Variants in SDK1 observed in about 807,000 individuals in gnomAD.
SDK1 encodes the protein sidekick cell adhesion molecule 1.
A neutral mutation model predicts 245.5 loss-of-function variants in SDK1; 157 were observed. The observed-to-expected ratio is 0.64, with a 90% confidence interval of 0.56 to 0.73. SDK1 has a LOEUF of 0.73. Ranked by LOEUF, SDK1 falls within the 30% of genes least tolerant of loss-of-function variation. SDK1 has a pLI of 0.00. For missense variants in SDK1, 3,583 were observed against 3,002.3 expected, an observed-to-expected ratio of 1.19 and a Z score of -4.52; for synonymous variants, 1,647 against 1,278.5, an observed-to-expected ratio of 1.29 and a Z score of -6.15.
intron 4 of SDK1, among the ~76,000 whole-genome samples, chr7:3,707,254 A>T (rs1214790773): frequency 2.6e-5 from 4 of 152,162 alleles, no homozygotes; most frequent in Non-Finnish European, 5.9e-5. Flanking sequence ...AACTTGTGTC[A>T]CTGTTATTTA....
chr7:3,788,411 G>A (rs1268762594), intron 4 of SDK1, among the ~76,000 whole-genome samples: 1 of 152,182 alleles, frequency 6.6e-6, no homozygotes, highest in Non-Finnish European at 1.5e-5. Context: ...TCTGTGCAGA[G>A]GGGATAAGGT....
chr7:4,172,594 G>A (rs369501034), intron 32 of SDK1, among the ~76,000 whole-genome samples: 90 of 152,262 alleles, frequency 5.9e-4, no homozygotes, highest in African/African-American at 1.8e-3. Context: ...GTTATTTACC[G>A]GGGGCAGCAA....
chr7:3,970,613 G>A (rs1177587530), intron 11 of SDK1, among the ~76,000 whole-genome samples: 5 of 152,160 alleles, frequency 3.3e-5, no homozygotes, highest in African/African-American at 4.8e-5. Flanking sequence ...TAGATCATTC[G>A]CCAGAAAATT....
At position 4,265,827 on chromosome 7, in the gene SDK1, C is replaced by A; in HGVS notation, c.*443C>A. ...CTCCTCTTCCAGAGAACCAGCGGCTCACACCCTTCTCAACGCAGGACATCC... is the reference window on the plus strand; with the variant it reads ...CTCCTCTTCCAGAGAACCAGCGGCTAACACCCTTCTCAACGCAGGACATCC... On this transcript the variant is annotated 3_prime_UTR_variant, in exon 45 of 45. Transcript: ENST00000404826. 1 of 997,754 alleles carries A rather than the reference C, an allele frequency of 1.0e-6. No homozygotes were observed. Among genetic ancestry groups the A allele is most frequent in the Non-Finnish European group, 1.2e-6 (1 of 839,226 alleles). 61.8% of individuals were successfully genotyped at this position (997,754 alleles called of 1,614,324 possible).
intron 1 of SDK1, among the ~76,000 whole-genome samples, chr7:3,411,143 A>C (rs1021732693): frequency 1.3e-5 from 2 of 152,192 alleles, no homozygotes; most frequent in African/African-American, 4.8e-5. Flanking sequence ...GAAGACCAAG[A>C]GGGAGAAGGG....
chr7:3,770,421 G>A (rs1780376194), intron 4 of SDK1, among the ~76,000 whole-genome samples: 1 of 152,144 alleles, frequency 6.6e-6, no homozygotes, highest in Non-Finnish European at 1.5e-5. Context: ...TCATGCACAG[G>A]TTTTTACATA....
rs114852351 is a variant in SDK1, at chr7:3,534,893, T to G, written c.299-84187T>G. Among the ~76,000 whole-genome samples, 770 of 152,260 alleles carry G rather than the reference T, an allele frequency of 5.1e-3. 7 individuals carry two copies. Among genetic ancestry groups the G allele is most frequent in the African/African-American group, 0.018 (742 of 41,554 alleles). On this transcript the variant is annotated intron_variant, in intron 1 of 44. Transcript: ENST00000404826. ...CTTCTCTTTATCAGCCACGTGTACA[T>G]GTACAGTAAGGAGCAGACAAGACAG...
At chr7:3,701,001 G>A (rs908191153) in intron 4 of SDK1, among the ~76,000 whole-genome samples, 4 of 152,184 alleles carry the variant, frequency 2.6e-5, no homozygotes, top group South Asian at 2.1e-4. Flanking sequence ...TGTCGTGCGC[G>A]TGAGCCCCAT....
At chr7:3,429,697 A>C (rs1779777331) in intron 1 of SDK1, among the ~76,000 whole-genome samples, 1 of 151,546 alleles carries the variant, frequency 6.6e-6, no homozygotes, top group Non-Finnish European at 1.5e-5. Flanking sequence ...CCTGGGCTCA[A>C]GCAATCCTCC....
At position 4,017,427 on chromosome 7, in the gene SDK1, A is replaced by G; in HGVS notation, c.2602+75A>G. Reference sequence around the variant, plus strand: ...GGGATTTGCAAGGTTTGACTGGAGTACGTTAGAAAGAAAAACAGAGAATCC... The same window carrying G: ...GGGATTTGCAAGGTTTGACTGGAGTGCGTTAGAAAGAAAAACAGAGAATCC... On this transcript the variant is annotated intron_variant, in intron 17 of 44. Transcript: ENST00000404826. 3.7e-6 allele frequency: 5 copies of G among 1,345,762 alleles called. 1 individual carries two copies. In the South Asian group the frequency reaches 5.8e-5, roughly 16 times the overall value. 83.4% of individuals were successfully genotyped at this position (1,345,762 alleles called of 1,614,324 possible).
intron 1 of SDK1, among the ~76,000 whole-genome samples, chr7:3,609,410 T>C (rs1781522183): frequency 6.6e-6 from 1 of 152,020 alleles, no homozygotes; most frequent in Admixed American, 6.6e-5. Flanking sequence ...TTTTTCTTTT[T>C]CTTTTTTTGA....
chr7:3,840,426 C>T (rs955523290), intron 5 of SDK1, among the ~76,000 whole-genome samples: 3 of 152,080 alleles, frequency 2.0e-5, no homozygotes, highest in Admixed American at 2.0e-4. Context: ...TGTTTTAGTC[C>T]TCAGGTGATT....
chr7:4,175,184 C>T (rs1782118495), intron 33 of SDK1, among the ~76,000 whole-genome samples: 1 of 152,222 alleles, frequency 6.6e-6, no homozygotes, highest in Non-Finnish European at 1.5e-5. Context: ...AGTACAGCGC[C>T]AGGCATGATG....
intron 5 of SDK1, among the ~76,000 whole-genome samples, chr7:3,869,495 A>G (rs1439529841): frequency 6.6e-6 from 1 of 152,024 alleles, no homozygotes; most frequent in African/African-American, 2.4e-5. Flanking sequence ...CAGGTGTGCA[A>G]GCCCAGAGGG....
intron 5 of SDK1, among the ~76,000 whole-genome samples, chr7:3,860,894 C>T (rs1453740926): frequency 6.6e-6 from 1 of 152,194 alleles, no homozygotes; most frequent in African/African-American, 2.4e-5. Context: ...AGCCCACTCC[C>T]TGTCCCCCAC....
chr7:3,324,969 G>T (rs771311370), intron 1 of SDK1, among the ~76,000 whole-genome samples: 36 of 152,260 alleles, frequency 2.4e-4, no homozygotes, highest in Non-Finnish European at 1.8e-4. Flanking sequence ...TTAGGAAACT[G>T]TATTCAAGCC....
At chr7:3,441,261 A>G (rs908658031) in intron 1 of SDK1, among the ~76,000 whole-genome samples, 9 of 152,130 alleles carry the variant, frequency 5.9e-5, no homozygotes, top group Non-Finnish European at 5.9e-5. Context: ...ATGAATAGGA[A>G]AAAACAGTAT....
intron 22 of SDK1, among the ~76,000 whole-genome samples, chr7:4,091,198 T>C (rs1278964601): frequency 6.6e-6 from 1 of 152,192 alleles, no homozygotes; most frequent in Non-Finnish European, 1.5e-5. Context: ...AGTCAAGTCA[T>C]ACTTGTTATA....
At chr7:3,558,755 A>T (rs76887975) in intron 1 of SDK1, among the ~76,000 whole-genome samples, 3,042 of 152,296 alleles carry the variant, frequency 0.02, 112 homozygotes, top group African/African-American at 0.069. Context: ...AAGTATGCTT[A>T]ATTGTTCAGT....
Sources: gnomAD v4.1 joint callset for allele counts (sites outside exome capture counted in the v4.1 genomes callset) on GRCh38, gnomAD v4.1.1 for gene constraint, MANE v1.5 for transcripts, NCBI Gene and HGNC (gene_info 2026-07-23, HGNC 2026-07-21) for gene names.